The following NPM1 variants were observed in gnomAD, a reference collection of about 807,000 sequenced individuals.
NPM1 encodes nucleophosmin 1.
NPM1 carries 1 observed loss-of-function variant against 44.1 expected under a neutral mutation model. The observed-to-expected ratio is 0.02, with a 90% CI of 0.01 to 0.11. NPM1 has a LOEUF of 0.11. NPM1 is among the 10% of genes least tolerant of loss of function. The pLI is 1.00. For synonymous variants in NPM1, 126 were observed against 111.8 expected (o/e 1.13, Z -0.80); for missense variants, 197 against 347.8 (o/e 0.57, Z 3.45).
At chr5:171,398,082 G>C (rs188956590) in intron 6 of NPM1, among the ~76,000 whole-genome samples, 95 of 151,812 alleles carry the variant, frequency 6.3e-4, no homozygotes, top group African/African-American at 2.3e-3. Flanking sequence ...CCACTGCACT[G>C]GGCCCAAGAA....
chr5:171,401,325 T>A (rs1771185842), intron 8 of NPM1, among the ~76,000 whole-genome samples: 1 of 151,398 alleles, frequency 6.6e-6, no homozygotes, highest in Admixed American at 6.6e-5. Context: ...CACTCCAGCT[T>A]GGGCAAAAGA....
At chr5:171,406,322 A>C in intron 9 of NPM1, 1 of 1,330,166 alleles carries the variant, frequency 7.5e-7, no homozygotes, top group East Asian at 2.3e-5. Flanking sequence ...CCTTGGATAC[A>C]ATGCTAAAAT....
Position 171,388,024 on chromosome 5 carries a change from C to G in NPM1, c.58+18C>G, listed in dbSNP as rs2113141791. ...TCTTTTCGGTAACTGCTGGGGGGAG[C>G]TGGAGCGAGGCCGAGCGGGGCCTGG... is the stretch of plus-strand genomic sequence containing the variant. On this transcript the variant is annotated intron_variant, in intron 1 of 10. Coordinates refer to ENST00000296930, the MANE Select transcript of NPM1 (RefSeq NM_002520.7). The G allele has an allele frequency of 7.5e-7, 1 of 1,326,968 alleles. No individual in the cohort carries two copies. Among genetic ancestry groups the G allele is most frequent in the Non-Finnish European group, 1.0e-6 (1 of 976,952 alleles). The allele number at this position is 1,326,968 out of a possible 1,614,324, so 82.2% of individuals were successfully genotyped here. A position where few individuals can be genotyped will look rare whatever the true frequency, so the allele number is the denominator to read the frequency against.
chr5:171,399,683 A>ATT (rs373293546), intron 6 of NPM1, among the ~76,000 whole-genome samples: 59,608 of 150,238 alleles, frequency 0.4, 11,739 homozygotes, highest in East Asian at 0.55. Context: ...TAGGTCTTTA[A>ATT]TTTTTTTTTT....
chr5:171,402,329 G>A (rs948405405), intron 8 of NPM1, among the ~76,000 whole-genome samples: 6 of 151,374 alleles, frequency 4.0e-5, no homozygotes, highest in Non-Finnish European at 8.8e-5. Context: ...AGTCAGAATA[G>A]CTATTATTAA....
intron 6 of NPM1, among the ~76,000 whole-genome samples, chr5:171,398,787 ACT>A (rs1263687298): frequency 6.6e-6 from 1 of 152,140 alleles, no homozygotes; most frequent in Non-Finnish European, 1.5e-5. Context: ...CAAAAAAATC[ACT>A]GTTTCTGGAC....
At chr5:171,400,331 T>TCATCTCATAC in intron 7 of NPM1, 121 bp downstream of exon 7, 29 of 539,804 alleles carry the variant, frequency 5.4e-5, no homozygotes, top group Admixed American at 1.5e-4. Context: ...ATACTGAAAA[T>TCATCTCATAC]TAGTCCTGAG....
intron 9 of NPM1, chr5:171,406,278 C>G: frequency 1.1e-6 from 1 of 886,690 alleles, no homozygotes; most frequent in South Asian, 1.3e-5. Flanking sequence ...CACTGTAAAC[C>G]CTTTAGCCTT....
intron 7 of NPM1, 43 bp from the exon 8 acceptor site, chr5:171,400,796 G>A (rs1191823016): frequency 7.6e-7 from 1 of 1,308,410 alleles, no homozygotes; most frequent in Non-Finnish European, 1.1e-6. Flanking sequence ...TTGCACTGTT[G>A]TTGGGGTCAG....
chr5:171,387,912 C>G lies in NPM1; in HGVS notation c.-37C>G, dbSNP rs774422812. On this transcript the variant is annotated 5_prime_UTR_variant, in exon 1 of 11. Transcript: ENST00000296930. Reference sequence around the variant, plus strand: ...TGGAGCAGCGTTCTTTTATCTCCGTCCGCCTTCTCTCCTACCTAAGTGCGT... The same window carrying G: ...TGGAGCAGCGTTCTTTTATCTCCGTGCGCCTTCTCTCCTACCTAAGTGCGT... 10 of 1,598,916 alleles carry G rather than the reference C, an allele frequency of 6.3e-6. No individual in the cohort carries two copies. The East Asian group carries it at 2.0e-4, about 32-fold the overall frequency.
At chr5:171,388,113 A>T in intron 1 of NPM1, 107 bp downstream of exon 1, 1 of 1,017,140 alleles carries the variant, frequency 9.8e-7, no homozygotes, top group Non-Finnish European at 1.5e-6. Context: ...GGAGACCGCC[A>T]GACCGACGGG....
intron 9 of NPM1, chr5:171,407,434 T>G: frequency 2.3e-6 from 1 of 432,364 alleles, no homozygotes; most frequent in Non-Finnish European, 4.1e-6. Context: ...TTGTCGAATC[T>G]CAAGTGTAGC....
intron 9 of NPM1, among the ~76,000 whole-genome samples, chr5:171,406,104 C>T (rs899490408): frequency 6.6e-6 from 1 of 152,100 alleles, no homozygotes; most frequent in Non-Finnish European, 1.5e-5. Flanking sequence ...TACTTTTAGA[C>T]TCCAACTATT....
intron 4 of NPM1, among the ~76,000 whole-genome samples, chr5:171,392,006 C>T (rs966754329): frequency 1.1e-4 from 17 of 151,928 alleles, no homozygotes; most frequent in South Asian, 6.2e-4. Context: ...TACAGTGGCA[C>T]GATCTTGGCT....
At chr5:171,406,002 TCTG>T (rs1052666708) in intron 9 of NPM1, among the ~76,000 whole-genome samples, 3 of 152,166 alleles carry the variant, frequency 2.0e-5, no homozygotes, top group African/African-American at 7.2e-5. Context: ...AGGTCTCTCA[TCTG>T]CTTGACTGGG....
At chr5:171,397,230 C>A (rs986150326) in intron 6 of NPM1, among the ~76,000 whole-genome samples, 2 of 152,210 alleles carry the variant, frequency 1.3e-5, no homozygotes, top group African/African-American at 4.8e-5. Context: ...ATTATCAGTA[C>A]TCCATTTATT....
chr5:171,396,222 C>T (rs1036381980), intron 6 of NPM1, among the ~76,000 whole-genome samples: 1 of 152,186 alleles, frequency 6.6e-6, no homozygotes, highest in Non-Finnish European at 1.5e-5. Flanking sequence ...CTCAGGTGAT[C>T]TGCCCACCCC....
chr5:171,394,052 T>C (rs1157117800), intron 6 of NPM1, among the ~76,000 whole-genome samples: 2 of 147,194 alleles, frequency 1.4e-5, no homozygotes, highest in Admixed American at 1.3e-4. Context: ...TTTTTTTTTT[T>C]TTTTTTTTTT....
At chr5:171,406,874 T>C (rs1009248708) in intron 9 of NPM1, 1 of 216,228 alleles carries the variant, frequency 4.6e-6, no homozygotes, top group Non-Finnish European at 8.5e-6. Context: ...CTTTTAAAAA[T>C]GCATAAAAGA....
Sources: gnomAD v4.1 joint callset for allele counts (sites outside exome capture counted in the v4.1 genomes callset) on GRCh38, gnomAD v4.1.1 for gene constraint, MANE v1.5 for transcripts, NCBI Gene and HGNC (gene_info 2026-07-23, HGNC 2026-07-21) for gene names.